Variants in NKAIN2 observed in about 807,000 individuals in gnomAD.
The protein encoded by NKAIN2 is sodium/potassium transporting ATPase interacting 2.
NKAIN2 carries 14 observed loss-of-function variants against 32.6 expected under a neutral mutation model. The ratio of observed to expected loss-of-function variants is 0.43; its 90% CI spans 0.28 to 0.67. NKAIN2 has a LOEUF of 0.67. Among genes scored for constraint, NKAIN2 ranks in the 30% least tolerant of loss-of-function variants. The pLI is 0.17. For missense variants in NKAIN2, 198 were observed against 258.3 expected, an observed-to-expected ratio of 0.77 and a Z score of 1.60; for synonymous variants, 80 against 87.2, an observed-to-expected ratio of 0.92 and a Z score of 0.46.
At chr6:123,813,068 A>G (rs565965316) in intron 1 of NKAIN2, among the ~76,000 whole-genome samples, 4 of 152,390 alleles carry the variant, frequency 2.6e-5, no homozygotes, top group South Asian at 4.1e-4. Flanking sequence ...GCTTGCAGCC[A>G]TAAGAGTTAT....
intron 3 of NKAIN2, among the ~76,000 whole-genome samples, chr6:124,434,383 T>A (rs1775347861): frequency 6.6e-6 from 1 of 152,138 alleles, no homozygotes. Context: ...ATTTCTAAAA[T>A]CTCTTGTGGG....
At chr6:124,364,228 TA>T (rs888924202) in intron 3 of NKAIN2, among the ~76,000 whole-genome samples, 2 of 71,064 alleles carry the variant, frequency 2.8e-5, no homozygotes, top group African/African-American at 1.2e-4. Flanking sequence ...AGGAAAGGGT[TA>T]AAAATACCAA....
chr6:123,937,061 A>T (rs1776544779), intron 1 of NKAIN2, among the ~76,000 whole-genome samples: 1 of 152,062 alleles, frequency 6.6e-6, no homozygotes, highest in Non-Finnish European at 1.5e-5. Context: ...AGCTCCAAAA[A>T]TCTAGGAGCA....
chr6:123,994,505 A>C (rs1779537363), intron 1 of NKAIN2, among the ~76,000 whole-genome samples: 1 of 152,104 alleles, frequency 6.6e-6, no homozygotes. Context: ...CTCCGTAAGC[A>C]AATAGTAAGG....
chr6:123,882,761 T>C (rs1237292193), intron 1 of NKAIN2, among the ~76,000 whole-genome samples: 3 of 152,248 alleles, frequency 2.0e-5, no homozygotes, highest in Admixed American at 6.5e-5. Flanking sequence ...TTATTCAATA[T>C]TTAATAAGAG....
At chr6:124,175,427 A>G (rs1384601884) in intron 1 of NKAIN2, among the ~76,000 whole-genome samples, 1 of 152,198 alleles carries the variant, frequency 6.6e-6, no homozygotes, top group African/African-American at 2.4e-5. Context: ...ACTTGGCGTA[A>G]ATTTAAATAG....
intron 1 of NKAIN2, among the ~76,000 whole-genome samples, chr6:123,980,999 AG>A (rs1778868617): frequency 6.6e-6 from 1 of 151,772 alleles, no homozygotes; most frequent in Non-Finnish European, 1.5e-5. Context: ...CCTCCCGAGT[AG>A]GTAGGACTAC....
chr6:124,048,100 T>C (rs7754307), intron 1 of NKAIN2, among the ~76,000 whole-genome samples: 38,093 of 151,926 alleles, frequency 0.25, 6,163 homozygotes, highest in African/African-American at 0.46. Flanking sequence ...ATGCTTGCCT[T>C]GATGGCTTCT....
intron 3 of NKAIN2, among the ~76,000 whole-genome samples, chr6:124,367,578 T>C (rs977096451): frequency 2.0e-5 from 3 of 152,174 alleles, no homozygotes; most frequent in Non-Finnish European, 2.9e-5. Context: ...TAATTATAGA[T>C]TATGGTTCTC....
At chr6:123,959,925 A>ATGTG (rs6149793) in intron 1 of NKAIN2, among the ~76,000 whole-genome samples, 1,818 of 141,334 alleles carry the variant, frequency 0.013, 25 homozygotes, top group East Asian at 0.016. Flanking sequence ...TCTTCCATAT[A>ATGTG]TGTGTGTGTG....
In NKAIN2 at chr6:124,171,022, A is replaced by C. The variant is rs113067818; in HGVS notation, c.55-111983A>C. Among the ~76,000 whole-genome samples the C allele has an allele frequency of 2.0e-5, 3 of 152,274 alleles. No homozygotes were observed. The South Asian group carries it at 6.2e-4, about 32-fold the overall frequency. On this transcript the variant is annotated intron_variant, in intron 1 of 6. Coordinates refer to ENST00000368417, the MANE Select transcript of NKAIN2 (RefSeq NM_001040214.3). Reference sequence around the variant, plus strand: ...CACTATCTTTAAAAAACAAATTTTCATAATTGTGAAGGTTTTTTTTTAGAA... The same window carrying C: ...CACTATCTTTAAAAAACAAATTTTCCTAATTGTGAAGGTTTTTTTTTAGAA...
intron 1 of NKAIN2, among the ~76,000 whole-genome samples, chr6:124,195,972 T>A (rs1399401063): frequency 6.6e-6 from 1 of 152,036 alleles, no homozygotes; most frequent in Middle Eastern, 3.2e-3. Context: ...TACATACATT[T>A]AAAAAAATTT....
intron 1 of NKAIN2, among the ~76,000 whole-genome samples, chr6:124,112,886 C>T (rs974079889): frequency 6.0e-5 from 9 of 151,044 alleles, no homozygotes; most frequent in African/African-American, 2.2e-4. Flanking sequence ...CACTTGTGTT[C>T]TTCAGCTTCA....
chr6:124,483,319 A>G (rs938818948), intron 3 of NKAIN2, among the ~76,000 whole-genome samples: 22 of 152,210 alleles, frequency 1.4e-4, no homozygotes, highest in African/African-American at 3.6e-4. Flanking sequence ...TTTTGCATCT[A>G]TGTGCCATAC....
chr6:124,174,237 C>G (rs1014696056), intron 1 of NKAIN2, among the ~76,000 whole-genome samples: 1 of 152,082 alleles, frequency 6.6e-6, no homozygotes, highest in Non-Finnish European at 1.5e-5. Flanking sequence ...ATTCAAAATT[C>G]ATGGAATGCC....
intron 1 of NKAIN2, among the ~76,000 whole-genome samples, chr6:124,185,011 T>C (rs1268892776): frequency 1.3e-5 from 2 of 152,174 alleles, no homozygotes. Context: ...TATGACATAC[T>C]AATTTTCCTG....
chr6:124,756,524 A>G (rs1777974758), intron 4 of NKAIN2, among the ~76,000 whole-genome samples: 1 of 152,184 alleles, frequency 6.6e-6, no homozygotes, highest in African/African-American at 2.4e-5. Flanking sequence ...AGCTGGGCAC[A>G]GTGACTTGTT....
chr6:124,210,063 A>C lies in NKAIN2; in HGVS notation c.55-72942A>C, dbSNP rs73561235. Reference sequence around the variant, plus strand: ...AGTGTTTCCCTGATGTTTTTTTTTCAGTGGTTTCATAGTTTGAGTTCTTAC... The same window carrying C: ...AGTGTTTCCCTGATGTTTTTTTTTCCGTGGTTTCATAGTTTGAGTTCTTAC... On this transcript the variant is annotated intron_variant, in intron 1 of 6. Coordinates refer to ENST00000368417, the MANE Select transcript of NKAIN2 (RefSeq NM_001040214.3). Among the ~76,000 whole-genome samples the C allele has an allele frequency of 5.7e-3, 858 of 150,752 alleles. 8 individuals carry two copies. Among genetic ancestry groups the C allele is most frequent in the African/African-American group, 0.019 (801 of 41,190 alleles).
chr6:123,953,530 G>T (rs1777421666), intron 1 of NKAIN2, among the ~76,000 whole-genome samples: 1 of 152,142 alleles, frequency 6.6e-6, no homozygotes, highest in South Asian at 2.1e-4. Flanking sequence ...GGGCTGGGTG[G>T]ACCAGTCCTC....
Sources: allele counts gnomAD v4.1 joint callset (sites outside exome capture counted in the v4.1 genomes callset), GRCh38; gene constraint gnomAD v4.1.1; transcripts MANE v1.5; gene names NCBI Gene and HGNC (gene_info 2026-07-23, HGNC 2026-07-21).